Variants in RALYL observed in about 807,000 individuals in gnomAD.
The protein encoded by RALYL is RALY RNA binding protein like.
In RALYL, 29 loss-of-function variants were observed where a neutral mutation model predicts 35.1. The ratio of observed to expected loss-of-function variants is 0.83; its 90% confidence interval spans 0.61 to 1.13. RALYL has a LOEUF of 1.13. Among genes scored for constraint, RALYL ranks in the 50% most tolerant of loss-of-function variants. RALYL has a pLI of 0.00. For missense variants in RALYL, 359 were observed against 360.4 expected (o/e 1.00, Z 0.03); for synonymous variants, 120 against 127.6 (o/e 0.94, Z 0.40).
At chr8:84,263,666 C>T (rs966080455) in intron 1 of RALYL, among the ~76,000 whole-genome samples, 12 of 151,936 alleles carry the variant, frequency 7.9e-5, no homozygotes, top group Admixed American at 5.9e-4. Context: ...CATAGGTTAA[C>T]GTGTGCCATA....
intron 2 of RALYL, among the ~76,000 whole-genome samples, chr8:84,664,734 G>C (rs1173709150): frequency 1.3e-5 from 2 of 152,034 alleles, no homozygotes; most frequent in African/African-American, 4.8e-5. Flanking sequence ...AGGGTGAGAT[G>C]ATGGGGTTTT....
At chr8:84,832,469 T>C (rs948783707) in intron 4 of RALYL, among the ~76,000 whole-genome samples, 3 of 152,166 alleles carry the variant, frequency 2.0e-5, no homozygotes, top group African/African-American at 7.2e-5. Context: ...AAGTATTCAC[T>C]GTGTCTCACA....
chr8:84,187,083 C>T (rs1812723307), intron 1 of RALYL, among the ~76,000 whole-genome samples: 1 of 151,938 alleles, frequency 6.6e-6, no homozygotes, highest in African/African-American at 2.4e-5. Context: ...AGAGGGTTTC[C>T]AAGGTAAAGG....
chr8:84,322,238 A>G lies in RALYL; in HGVS notation c.-24+137814A>G, dbSNP rs570920667. On this transcript the variant is annotated intron_variant, in intron 1 of 8. Transcript: ENST00000521268. ...CATTATTCTCAAGCTCACATGAAGT[A>G]TCCACCAAAGTAGATCATATTCTGT... Among the ~76,000 whole-genome samples the G allele has an allele frequency of 7.9e-5, 12 of 152,250 alleles. No individual in the cohort carries two copies. In the East Asian group the frequency reaches 1.9e-3, roughly 24 times the overall value.
chr8:84,449,876 T>G (rs1196785188), intron 1 of RALYL, among the ~76,000 whole-genome samples: 1 of 151,992 alleles, frequency 6.6e-6, no homozygotes, highest in African/African-American at 2.4e-5. Context: ...CTTGCATCAT[T>G]ATTGCATTTA....
At chr8:84,837,485 G>C (rs1319283969) in intron 4 of RALYL, among the ~76,000 whole-genome samples, 1 of 151,972 alleles carries the variant, frequency 6.6e-6, no homozygotes, top group African/African-American at 2.4e-5. Flanking sequence ...AAAATAAGAA[G>C]AAATACTTTG....
chr8:84,336,750 A>G, intron 1 of RALYL, among the ~76,000 whole-genome samples: 1 of 152,060 alleles, frequency 6.6e-6, no homozygotes, highest in East Asian at 1.9e-4. Flanking sequence ...CAGTTTATAC[A>G]GAGCCACAAC....
intron 2 of RALYL, among the ~76,000 whole-genome samples, chr8:84,676,769 T>A (rs1432480986): frequency 6.6e-6 from 1 of 152,076 alleles, no homozygotes; most frequent in Non-Finnish European, 1.5e-5. Context: ...TCAAAATATT[T>A]TTTATTGCTT....
chr8:84,437,419 G>A (rs2047857793), intron 1 of RALYL, among the ~76,000 whole-genome samples: 1 of 152,094 alleles, frequency 6.6e-6, no homozygotes, highest in Non-Finnish European at 1.5e-5. Flanking sequence ...TAAGATCTTT[G>A]AGAAATCTCC....
intron 1 of RALYL, among the ~76,000 whole-genome samples, chr8:84,482,838 T>A (rs963745633): frequency 1.4e-4 from 22 of 151,996 alleles, no homozygotes; most frequent in African/African-American, 5.1e-4. Context: ...GCTTGTGCAC[T>A]ATTATCAAAA....
intron 1 of RALYL, among the ~76,000 whole-genome samples, chr8:84,325,220 T>C (rs1461358258): frequency 1.3e-5 from 2 of 152,180 alleles, no homozygotes; most frequent in Non-Finnish European, 2.9e-5. Context: ...AATTTCATTA[T>C]CGTCAGGAAA....
chr8:84,698,135 T>G (rs1839494323), intron 2 of RALYL, among the ~76,000 whole-genome samples: 1 of 152,100 alleles, frequency 6.6e-6, no homozygotes, highest in African/African-American at 2.4e-5. Context: ...CTCTGCTTCT[T>G]TCTTGCAAGC....
At chr8:84,879,766 G>T (rs1271398234) in intron 7 of RALYL, among the ~76,000 whole-genome samples, 3 of 151,790 alleles carry the variant, frequency 2.0e-5, no homozygotes, top group African/African-American at 7.3e-5. Flanking sequence ...AATATAAGGG[G>T]GTGAAAAGAC....
intron 2 of RALYL, among the ~76,000 whole-genome samples, chr8:84,568,888 T>G (rs1807165142): frequency 6.6e-6 from 1 of 151,942 alleles, no homozygotes; most frequent in South Asian, 2.1e-4. Flanking sequence ...GCCCACTTGT[T>G]GATGGGGTTG....
chr8:84,222,948 C>A (rs1822640998), intron 1 of RALYL, among the ~76,000 whole-genome samples: 1 of 152,116 alleles, frequency 6.6e-6, no homozygotes, highest in African/African-American at 2.4e-5. Flanking sequence ...AGTGCTACTG[C>A]CTGCCACATC....
chr8:84,386,831 C>G (rs1401259737), intron 1 of RALYL, among the ~76,000 whole-genome samples: 1 of 151,858 alleles, frequency 6.6e-6, no homozygotes, highest in African/African-American at 2.4e-5. Context: ...CTTCAGCATT[C>G]TAAACCTCAC....
intron 1 of RALYL, among the ~76,000 whole-genome samples, chr8:84,226,565 A>G (rs1180907167): frequency 6.6e-6 from 1 of 151,974 alleles, no homozygotes; most frequent in Admixed American, 6.6e-5. Flanking sequence ...AGCTGGGATT[A>G]CAGTGTATAT....
chr8:84,339,212 A>G (rs562158178), intron 1 of RALYL, among the ~76,000 whole-genome samples: 108 of 152,132 alleles, frequency 7.1e-4, no homozygotes, highest in Non-Finnish European at 1.4e-3. Flanking sequence ...TAGATGTACT[A>G]GAACAGGGGT....
chr8:84,401,824 C>CT (rs747272137), intron 1 of RALYL, among the ~76,000 whole-genome samples: 5,067 of 144,200 alleles, frequency 0.035, 273 homozygotes, highest in African/African-American at 0.12. Context: ...TGCAGTAAAA[C>CT]TTTTTTTTTT....
Sources: allele counts gnomAD v4.1 joint callset (sites outside exome capture counted in the v4.1 genomes callset), GRCh38; gene constraint gnomAD v4.1.1; transcripts MANE v1.5; gene names NCBI Gene and HGNC (gene_info 2026-07-23, HGNC 2026-07-21).